Variants in DYNC1H1 observed in about 807,000 individuals in gnomAD.
DYNC1H1 encodes the protein dynein cytoplasmic 1 heavy chain 1, also known as cytoplasmic dynein 1 heavy chain 1.
A neutral mutation model predicts 527.1 loss-of-function variants in DYNC1H1; 51 were observed. The observed-to-expected ratio is 0.10, with a 90% CI of 0.08 to 0.12. The LOEUF (loss-of-function observed/expected upper bound fraction) is 0.12. Among genes scored for constraint, DYNC1H1 ranks in the 10% least tolerant of loss-of-function variants. DYNC1H1 has a pLI of 1.00. For synonymous variants in DYNC1H1, 2,189 were observed against 2,278.8 expected (o/e 0.96, Z 1.12); for missense variants, 2,771 against 5,971.8 (o/e 0.46, Z 17.66).
Position 102,005,370 on chromosome 14 carries a change from C to T in DYNC1H1, c.5433+134C>T, listed in dbSNP as rs2048185340. ...ACAGTGGATGGTGTATGGATATCCT[C>T]TGAGGGTGGGCATTTGGCTCCCTGT... is the stretch of plus-strand genomic sequence containing the variant. On this transcript the variant is annotated intron_variant, in intron 26 of 77. Transcript: ENST00000360184. This position sits in a 1 kb window ranked among gnomAD's most constrained non-coding sequence, Gnocchi z 4.0. The T allele has an allele frequency of 1.6e-6, 2 of 1,263,774 alleles. No homozygotes were observed. The highest frequency in any genetic ancestry group is 2.4e-5 in the South Asian group (2 of 83,510). The allele number at this position is 1,263,774 out of a possible 1,614,324, so 78.3% of individuals were successfully genotyped here.
Position 102,041,029 on chromosome 14 carries a change from A to G in DYNC1H1, c.11941+356A>G, listed in dbSNP as rs778685460. ...CTTTTTAAGGAAACCACTTAGGGAG[A>G]TCGCTTCTAGGTAGGTGTTGGCTTA... On this transcript the variant is annotated intron_variant, in intron 64 of 77. Coordinates refer to ENST00000360184, the MANE Select transcript of DYNC1H1 (RefSeq NM_001376.5). This position sits in a 1 kb window ranked among gnomAD's most constrained non-coding sequence, Gnocchi z 4.5. 8 of 386,724 alleles carry G rather than the reference A, an allele frequency of 2.1e-5. No individual in the cohort carries two copies. Among genetic ancestry groups the G allele is most frequent in the Non-Finnish European group, 3.4e-5 (7 of 203,308 alleles). The allele number at this position is 386,724 out of a possible 1,614,324, so 24.0% of individuals were successfully genotyped here. A position where few individuals can be genotyped will look rare whatever the true frequency, so the allele number is the denominator to read the frequency against.
At position 102,036,446 on chromosome 14, in the gene DYNC1H1, C is replaced by A; in HGVS notation, c.10755-43C>A. 1.2e-6 allele frequency: 2 copies of A among 1,611,264 alleles called. No homozygotes were observed. The highest frequency in any genetic ancestry group is 1.1e-5 in the South Asian group (1 of 90,860). On this transcript the variant is annotated intron_variant, in intron 56 of 77. Coordinates refer to ENST00000360184, the MANE Select transcript of DYNC1H1 (RefSeq NM_001376.5). This position sits in a 1 kb window ranked among gnomAD's most constrained non-coding sequence, Gnocchi z 5.6. ...GGCTAACCGTGATCCTGTGCTTTCCCCATTCGGTGTTTCAACCTTCTCTTC... is the reference window on the plus strand; with the variant it reads ...GGCTAACCGTGATCCTGTGCTTTCCACATTCGGTGTTTCAACCTTCTCTTC...
chr14:102,007,173 A>G lies in DYNC1H1; in HGVS notation c.5817+65A>G. 1.9e-6 allele frequency: 3 copies of G among 1,541,020 alleles called. 1 individual carries two copies. The highest frequency in any genetic ancestry group is 2.2e-5 in the South Asian group (2 of 88,890). ...TGCAGGGATCATTTGGGGAATATCA[A>G]GCTCCGTACCTCTCTCAAAGCCATT... On this transcript the variant is annotated intron_variant, in intron 28 of 77. Transcript: ENST00000360184.
In DYNC1H1 at chr14:102,008,320, A is replaced by T. The variant is rs957164618; in HGVS notation, c.5960A>T (p.Asn1987Ile). Residue 1987 changes from asparagine (N) to isoleucine (I), a missense_variant, in exon 29 of 78, where the codon AAC becomes ATC. This residue lies in a region of DYNC1H1 where 39 missense variants were observed against 38.8 expected (regional missense o/e 1.00). Transcript: ENST00000360184. The stretch of plus-strand genomic sequence containing the variant: ...CAGGAAGCACTGCGTGAACATTCCA[A>T]CCCCAACTACGACAAGAGTAAGACA... ...CIQEALREHS[N>I]PNYDKTSAPI... The T allele has an allele frequency of 1.8e-5, 29 of 1,614,172 alleles. No individual in the cohort carries two copies. Among genetic ancestry groups the T allele is most frequent in the Non-Finnish European group, 2.5e-5 (29 of 1,180,036 alleles).
chr14:102,015,722 A>G lies in DYNC1H1; in HGVS notation c.7243-134A>G. 2 of 1,003,818 alleles carry G rather than the reference A, an allele frequency of 2.0e-6. No homozygotes were observed. The highest frequency in any genetic ancestry group is 4.0e-5 in the Admixed American group (2 of 49,570). The allele number at this position is 1,003,818 out of a possible 1,614,324, so 62.2% of individuals were successfully genotyped here. A position where few individuals can be genotyped will look rare whatever the true frequency, so the allele number is the denominator to read the frequency against. On this transcript the variant is annotated intron_variant, in intron 35 of 77. Transcript: ENST00000360184. The surrounding 1 kb of genome is among the most constrained non-coding windows in gnomAD (Gnocchi z 6.9). ...TGAGAACCACCAGGGTGAAGGAATG[A>G]GGACTGGTCATTGAAGCTTCATCCA...
Position 102,042,011 on chromosome 14 carries a change from A to G in DYNC1H1, c.12103-2A>G. 1 of 1,614,016 alleles carries G rather than the reference A, an allele frequency of 6.2e-7. No individual in the cohort carries two copies. The highest frequency in any genetic ancestry group is 8.5e-7 in the Non-Finnish European group (1 of 1,179,938). ...AATAACTTCTGCCTTCTTTGTTTGC[A>G]GGTGAAGCCCAACACTCCTGTCTTA... On this transcript the variant is annotated splice_acceptor_variant, in intron 65 of 77. Coordinates refer to ENST00000360184, the MANE Select transcript of DYNC1H1 (RefSeq NM_001376.5). LOFTEE classifies it high-confidence loss of function. This position sits in a 1 kb window ranked among gnomAD's most constrained non-coding sequence, Gnocchi z 5.7.
intron 13 of DYNC1H1, 58 bp from the exon 14 acceptor site, chr14:101,994,928 G>A: frequency 6.2e-7 from 1 of 1,613,550 alleles, no homozygotes; most frequent in Non-Finnish European, 8.5e-7. Context: ...TTCATTTGAA[G>A]GATAAACACG....
chr14:101,970,473 G>GTTTTTT (rs958653217), intron 1 of DYNC1H1, among the ~76,000 whole-genome samples: 90 of 81,446 alleles, frequency 1.1e-3, no homozygotes, highest in Non-Finnish European at 1.5e-3. Context: ...GTTTGTTGTT[G>GTTTTTT]TTTTTTTTTT....
intron 51 of DYNC1H1, among the ~76,000 whole-genome samples, 175 bp from the exon 52 acceptor site, chr14:102,032,097 C>A (rs560733472): frequency 6.2e-4 from 95 of 152,176 alleles, no homozygotes; most frequent in Non-Finnish European, 1.2e-4. Flanking sequence ...CAGCTACTTA[C>A]CCTATTCCAG....
intron 2 of DYNC1H1, among the ~76,000 whole-genome samples, chr14:101,978,313 A>T (rs1273971032): frequency 6.6e-6 from 1 of 152,166 alleles, no homozygotes; most frequent in Non-Finnish European, 1.5e-5. Context: ...CTGGGATTGC[A>T]GGTGTGAGCT....
In DYNC1H1 at chr14:102,017,012, G is replaced by A. The variant is rs1451487950; in HGVS notation, c.7848+13G>A. 50 of 1,614,266 alleles carry A rather than the reference G, an allele frequency of 3.1e-5. No homozygotes were observed. The highest frequency in any genetic ancestry group is 4.2e-5 in the Non-Finnish European group (50 of 1,180,044). ...GCCTGACATGGAGGTAAAGAGGCCA[G>A]GAGGTGGGCAGCAGACCTTTTGGTG... On this transcript the variant is annotated intron_variant, in intron 38 of 77. Transcript: ENST00000360184. This position sits in a 1 kb window ranked among gnomAD's most constrained non-coding sequence, Gnocchi z 4.6.
At chr14:101,994,415 C>A in intron 12 of DYNC1H1, 91 bp downstream of exon 12, 1 of 1,578,208 alleles carries the variant, frequency 6.3e-7, no homozygotes, top group South Asian at 1.1e-5. Context: ...GCTAAAAGGT[C>A]TTGACTGTAT....
In DYNC1H1 at chr14:102,036,375, G is replaced by C; in HGVS notation, c.10755-114G>C. 1 of 1,403,780 alleles carries C rather than the reference G, an allele frequency of 7.1e-7. No homozygotes were observed. Among genetic ancestry groups the C allele is most frequent in the Non-Finnish European group, 1.0e-6 (1 of 997,548 alleles). The allele number at this position is 1,403,780 out of a possible 1,614,324, so 87.0% of individuals were successfully genotyped here. On this transcript the variant is annotated intron_variant, in intron 56 of 77. Transcript: ENST00000360184. This position sits in a 1 kb window ranked among gnomAD's most constrained non-coding sequence, Gnocchi z 5.6. ...GAAAACGTCTCCGGAAACCACTCTCGGGTGGTGGTAACAGCCTATCAATCA... is the reference window on the plus strand; with the variant it reads ...GAAAACGTCTCCGGAAACCACTCTCCGGTGGTGGTAACAGCCTATCAATCA...
chr14:102,033,365 G>A lies in DYNC1H1; in HGVS notation c.10294G>A (p.Glu3432Lys), dbSNP rs2152591792. The change falls in exon 54 of 78, where the codon GAG (glutamate) becomes AAG (lysine). Residue 3432 changes from glutamate (E) to lysine (K), a missense_variant. Around this residue, in one of 32 missense-constraint regions of DYNC1H1, gnomAD observed 283 missense variants for 737.6 expected, o/e 0.38. Transcript: ENST00000360184. The surrounding 1 kb of genome is among the most constrained non-coding windows in gnomAD (Gnocchi z 5.6). ...CAAGGACAACCAGCAGAAGGCCAAC[G>A]AGGTGGAGCAGATGATCCGAGACCT... ...DAKDNQQKAN[E>K]VEQMIRDLEA... 1.9e-6 allele frequency: 3 copies of A among 1,614,206 alleles called. No homozygotes were observed. The highest frequency in any genetic ancestry group is 1.3e-5 in the African/African-American group (1 of 75,068).
At chr14:101,971,082 A>G (rs1225641457) in intron 1 of DYNC1H1, among the ~76,000 whole-genome samples, 1 of 105,484 alleles carries the variant, frequency 9.5e-6, no homozygotes, top group African/African-American at 3.7e-5. Flanking sequence ...GGGCCGTATC[A>G]TTCTTTTTTT....
rs11544084 is a variant in DYNC1H1 at position 102,042,670 on chromosome 14, T to C, written c.12435T>C (p.Phe4145=). The change falls in exon 69 of 78, where the codon TTT becomes TTC. Residue 4145 remains phenylalanine (F), a synonymous_variant. Coordinates refer to ENST00000360184, the MANE Select transcript of DYNC1H1 (RefSeq NM_001376.5). The surrounding 1 kb of genome is among the most constrained non-coding windows in gnomAD (Gnocchi z 5.7). The part of the protein sequence containing the change: ...PVNLLRAGRI[F]VFEPPPGVKA... Reference sequence around the variant, plus strand: ...ATCTGCTCCGTGCGGGCCGCATCTTTGTGTTCGAGCCACCGCCAGGGGTGA... The same window carrying C: ...ATCTGCTCCGTGCGGGCCGCATCTTCGTGTTCGAGCCACCGCCAGGGGTGA... 3 of 1,614,160 alleles carry C rather than the reference T, an allele frequency of 1.9e-6. No homozygotes were observed. The highest frequency in any genetic ancestry group is 2.5e-6 in the Non-Finnish European group (3 of 1,180,036).
rs1210605934 is a variant in DYNC1H1, at chr14:102,002,672, C to T, written c.4678C>T (p.Leu1560=). 1 of 1,614,246 alleles carries T rather than the reference C, an allele frequency of 6.2e-7. No individual in the cohort carries two copies. The highest frequency in any genetic ancestry group is 1.7e-5 in the Admixed American group (1 of 60,022). ...IFTGSADIKH[L]LPVETQRFQS... is the part of the protein sequence containing the mutation. ...CACAGGCAGTGCAGATATCAAGCAC[C>T]TGCTGCCAGTGGAAACCCAGCGGTT... Residue 1560 remains leucine, a synonymous_variant, in exon 22 of 78, where the codon CTG becomes TTG. Transcript: ENST00000360184. The surrounding 1 kb of genome is among the most constrained non-coding windows in gnomAD (Gnocchi z 4.4).
At position 102,016,266 on chromosome 14, in the gene DYNC1H1, T is replaced by C; in HGVS notation, c.7474-83T>C. The stretch of plus-strand genomic sequence containing the variant: ...GATGCAAGAAGACTGGGAACCACTG[T>C]CTTTAGGTTAACTTTGCTGTAAGTG... On this transcript the variant is annotated intron_variant, in intron 36 of 77. Transcript: ENST00000360184. The surrounding 1 kb of genome is among the most constrained non-coding windows in gnomAD (Gnocchi z 7.3). 6.4e-7 allele frequency: 1 copy of C among 1,571,624 alleles called. No individual in the cohort carries two copies. The highest frequency in any genetic ancestry group is 8.7e-7 in the Non-Finnish European group (1 of 1,153,074).
In DYNC1H1 at chr14:102,054,411, G is replaced by GT. The variant is rs2048854341; in HGVS notation, c.*3851dup. ...TGGTTGGCAAGAAGCTGAAATGGGC[G>GT]TTTAAGTCCGAACCTTGTTTTCAAA... On this transcript the variant is annotated 3_prime_UTR_variant, in exon 78 of 78. Transcript: ENST00000360184. 3 of 152,180 alleles carry GT rather than the reference G, an allele frequency of 2.0e-5. No individual in the cohort carries two copies. Among genetic ancestry groups the GT allele is most frequent in the Non-Finnish European group, 2.9e-5 (2 of 68,060 alleles). 9.4% of individuals were successfully genotyped at this position (152,180 alleles called of 1,614,324 possible). A position where few individuals can be genotyped will look rare whatever the true frequency, so the allele number is the denominator to read the frequency against.
Sources: allele counts gnomAD v4.1 joint callset (sites outside exome capture counted in the v4.1 genomes callset), GRCh38; gene constraint gnomAD v4.1.1; regional missense constraint gnomAD v4.1.1; non-coding constraint Gnocchi (gnomAD v3.1); transcripts MANE v1.5; gene names NCBI Gene and HGNC (gene_info 2026-07-23, HGNC 2026-07-21).